The following PCLO variants were observed in gnomAD, a reference collection of about 807,000 sequenced individuals.
PCLO encodes the protein protein piccolo.
Under a neutral mutation model 427.5 loss-of-function variants are expected in PCLO, and 82 were observed. The ratio of observed to expected loss-of-function variants is 0.19; its 90% CI spans 0.16 to 0.23. The LOEUF (loss-of-function observed/expected upper bound fraction) is 0.23. Ranked by LOEUF, PCLO falls within the 10% of genes least tolerant of loss-of-function variation. The pLI is 1.00. For missense variants in PCLO, 6,239 were observed against 6,115.9 expected (o/e 1.02, Z -0.67); for synonymous variants, 2,357 against 2,155.4 (o/e 1.09, Z -2.59).
intron 9 of PCLO, among the ~76,000 whole-genome samples, chr7:82,897,630 C>G (rs941539774): frequency 2.3e-4 from 35 of 151,444 alleles, no homozygotes; most frequent in Middle Eastern, 3.4e-3. Flanking sequence ...GAATCTGGGT[C>G]TTTGTTGTGT....
chr7:82,954,292 C>A lies in PCLO; in HGVS notation c.6661G>T (p.Glu2221Ter). ...TEPVDMITKF[E>*]DSEEISSSTY... is the part of the protein sequence containing the mutation. Reference sequence around the variant, plus strand: ...GATGAAGAAATTTCCTCAGAATCTTCAAATTTAGTTATCATGTCCACTGGC... The same window carrying A: ...GATGAAGAAATTTCCTCAGAATCTTAAAATTTAGTTATCATGTCCACTGGC... Residue 2221 changes from glutamate to a stop codon, truncating the protein, a stop_gained, in exon 5 of 25, where the codon GAA becomes TAA. Transcript: ENST00000333891. LOFTEE classifies it high-confidence loss of function. The A allele has an allele frequency of 6.2e-7, 1 of 1,613,686 alleles. No individual in the cohort carries two copies. Among genetic ancestry groups the A allele is most frequent in the South Asian group, 1.1e-5 (1 of 91,078 alleles).
chr7:82,916,913 G>T lies in PCLO; in HGVS notation c.11113-40C>A, dbSNP rs560056577. On this transcript the variant is annotated intron_variant, in intron 6 of 24. Coordinates refer to ENST00000333891, the MANE Select transcript of PCLO (RefSeq NM_033026.6). ...ACAAAATATAGTACTTTAGTATAAA[G>T]AAAAATAAAAACCAAATCTACTTCC... 4 of 1,388,422 alleles carry T rather than the reference G, an allele frequency of 2.9e-6. No individual in the cohort carries two copies. The East Asian group carries it at 9.4e-5, about 33-fold the overall frequency. 86.0% of individuals were successfully genotyped at this position (1,388,422 alleles called of 1,614,324 possible).
rs1181607980 is a variant in PCLO, at chr7:82,952,346, T to C, written c.8607A>G (p.Thr2869=). ...TPAHAVTLAI[T]KPVTVPPVGV... ...CAACAGGAGGCACAGTGACAGGTTT[T>C]GTAATAGCCAATGTCACTGCATGTG... Residue 2869 remains threonine, a synonymous_variant, in exon 5 of 25, where the codon ACA becomes ACG. Transcript: ENST00000333891. 1.2e-6 allele frequency: 2 copies of C among 1,613,988 alleles called. No individual in the cohort carries two copies. The highest frequency in any genetic ancestry group is 4.5e-5 in the East Asian group (2 of 44,886).
At position 83,154,848 on chromosome 7, in the gene PCLO, A is replaced by C; in HGVS notation, c.1793T>G (p.Leu598Arg). The C allele has an allele frequency of 6.2e-7, 1 of 1,614,036 alleles. No homozygotes were observed. Among genetic ancestry groups the C allele is most frequent in the South Asian group, 1.1e-5 (1 of 91,078 alleles). The change falls in exon 2 of 25, where the codon CTG becomes CGG. Residue 598 changes from leucine to arginine, a missense_variant. Leu to Arg is a moderately radical substitution (Grantham distance 102, BLOSUM62 -2). This residue lies in a region of PCLO where 4,677 missense variants were observed against 4,468.4 expected (regional missense o/e 1.05). Coordinates refer to ENST00000333891, the MANE Select transcript of PCLO (RefSeq NM_033026.6). ...ICPLCNTTEL[L>R]LHVPEKANFN... is the part of the protein sequence containing the mutation. ...ATTGGCCTTTTCTGGAACATGCAAC[A>C]GAAGTTCAGTGGTATTGCAAAGAGG... is the stretch of plus-strand genomic sequence containing the variant.
intron 14 of PCLO, among the ~76,000 whole-genome samples, chr7:82,839,054 C>A (rs1792301578): frequency 6.6e-6 from 1 of 151,972 alleles, no homozygotes; most frequent in Non-Finnish European, 1.5e-5. Flanking sequence ...TTTGAGAAAA[C>A]TGCATAATTC....
At chr7:82,763,258 A>G (rs1325715573) in intron 22 of PCLO, among the ~76,000 whole-genome samples, 1 of 152,122 alleles carries the variant, frequency 6.6e-6, no homozygotes, top group Admixed American at 6.6e-5. Flanking sequence ...CACTGCCTTA[A>G]TAGGAAATAA....
intron 10 of PCLO, among the ~76,000 whole-genome samples, chr7:82,855,918 G>A (rs1792792178): frequency 6.6e-6 from 1 of 152,036 alleles, no homozygotes; most frequent in African/African-American, 2.4e-5. Flanking sequence ...GAAGATGTCT[G>A]GCATATTTTT....
At chr7:82,793,525 G>T (rs920852432) in intron 22 of PCLO, among the ~76,000 whole-genome samples, 1 of 152,138 alleles carries the variant, frequency 6.6e-6, no homozygotes, top group Non-Finnish European at 1.5e-5. Context: ...CAGGGCCCTG[G>T]AAGTATTGAA....
intron 6 of PCLO, among the ~76,000 whole-genome samples, chr7:82,946,142 G>A (rs1224175243): frequency 6.6e-6 from 1 of 152,098 alleles, no homozygotes; most frequent in Non-Finnish European, 1.5e-5. Flanking sequence ...TTAAATAAGG[G>A]ACATATTAAC....
At chr7:82,869,024 G>A (rs915243297) in intron 10 of PCLO, among the ~76,000 whole-genome samples, 2 of 151,984 alleles carry the variant, frequency 1.3e-5, no homozygotes, top group East Asian at 1.9e-4. Flanking sequence ...CGATGGTAAT[G>A]TATTTCACAA....
At chr7:82,919,595 A>T in intron 6 of PCLO, among the ~76,000 whole-genome samples, 1 of 152,014 alleles carries the variant, frequency 6.6e-6, no homozygotes, top group Non-Finnish European at 1.5e-5. Flanking sequence ...CCTAAAGAAG[A>T]TTGGATGCCC....
chr7:83,077,083 C>A (rs79918238), intron 3 of PCLO, among the ~76,000 whole-genome samples: 2,017 of 151,948 alleles, frequency 0.013, 59 homozygotes, highest in African/African-American at 0.045. Context: ...TTCAGAAACA[C>A]CTAAAATTCT....
chr7:83,070,416 C>T (rs1224391935), intron 3 of PCLO, among the ~76,000 whole-genome samples: 7 of 141,952 alleles, frequency 4.9e-5, no homozygotes, highest in Non-Finnish European at 9.0e-5. Flanking sequence ...GAGACCAAGT[C>T]TCGCTCTGTC....
At chr7:83,007,143 C>T (rs2115963298) in intron 3 of PCLO, among the ~76,000 whole-genome samples, 1 of 151,544 alleles carries the variant, frequency 6.6e-6, no homozygotes, top group African/African-American at 2.4e-5. Flanking sequence ...GTGATATGGA[C>T]TTAAATTAGT....
intron 3 of PCLO, among the ~76,000 whole-genome samples, chr7:83,077,195 G>GA (rs1171684755): frequency 2.0e-5 from 3 of 152,094 alleles, no homozygotes; most frequent in Non-Finnish European, 4.4e-5. Flanking sequence ...GCTACCTCAT[G>GA]AAAGAGTCCT....
At position 83,134,791 on chromosome 7, in the gene PCLO, G is replaced by A; in HGVS notation, c.2759C>T (p.Pro920Leu). The change falls in exon 3 of 25, where the codon CCT becomes CTT. Residue 920 changes from proline (P) to leucine (L), a missense_variant. Physicochemically the swap from Pro to Leu is moderately conservative, Grantham distance 98. Transcript: ENST00000333891. ...AGTCACGGTCTCTTGAGGAGTTGTA[G>A]GCTGTGATTTGGGGGCATCAGTAAT... ...GSITDAPKSQ[P>L]TTPQETVTGK... 1.9e-6 allele frequency: 3 copies of A among 1,613,914 alleles called. No individual in the cohort carries two copies. Among genetic ancestry groups the A allele is most frequent in the Non-Finnish European group, 8.5e-7 (1 of 1,179,874 alleles).
intron 3 of PCLO, among the ~76,000 whole-genome samples, chr7:83,058,809 T>C (rs1789466917): frequency 6.6e-6 from 1 of 152,068 alleles, no homozygotes; most frequent in African/African-American, 2.4e-5. Flanking sequence ...CAATGTTACC[T>C]CCACGCAGGA....
intron 20 of PCLO, among the ~76,000 whole-genome samples, chr7:82,818,087 G>A (rs1791713625): frequency 8.4e-6 from 1 of 119,334 alleles, no homozygotes; most frequent in Non-Finnish European, 1.9e-5. Flanking sequence ...ACTAGCATGG[G>A]GAAAACAACA....
chr7:82,972,801 A>G (rs1336558515), intron 3 of PCLO, among the ~76,000 whole-genome samples: 1 of 152,094 alleles, frequency 6.6e-6, no homozygotes, highest in Non-Finnish European at 1.5e-5. Context: ...TTATCTATTT[A>G]TTTGCTTATC....
Sources: allele counts gnomAD v4.1 joint callset (sites outside exome capture counted in the v4.1 genomes callset), GRCh38; gene constraint gnomAD v4.1.1; regional missense constraint gnomAD v4.1.1; transcripts MANE v1.5; gene names NCBI Gene and HGNC (gene_info 2026-07-23, HGNC 2026-07-21).